Variants in KHDRBS2 observed in about 807,000 individuals in gnomAD.
The protein encoded by KHDRBS2 is KH domain-containing, RNA-binding, signal transduction-associated protein 2.
In KHDRBS2, 26 loss-of-function variants were observed where a neutral mutation model predicts 44.3. The ratio of observed to expected loss-of-function variants is 0.59; its 90% CI spans 0.43 to 0.81. KHDRBS2 has a LOEUF of 0.81. Among genes scored for constraint, KHDRBS2 ranks in the 40% least tolerant of loss-of-function variants. The pLI, the probability that KHDRBS2 is intolerant of heterozygous loss-of-function variation, is 0.00. For missense variants in KHDRBS2, 476 were observed against 433.1 expected (o/e 1.10, Z -0.88); for synonymous variants, 194 against 151.1 (o/e 1.28, Z -2.08).
At chr6:62,204,660 C>A (rs1827643242) in intron 1 of KHDRBS2, among the ~76,000 whole-genome samples, 1 of 152,076 alleles carries the variant, frequency 6.6e-6, no homozygotes, top group Admixed American at 6.6e-5. Context: ...TGTTTCTGTA[C>A]TTTTTAGGAG....
chr6:61,747,034 A>G (rs552737701), intron 6 of KHDRBS2, among the ~76,000 whole-genome samples: 3,737 of 124,630 alleles, frequency 0.03, 86 homozygotes, highest in Middle Eastern at 0.1. Flanking sequence ...ATGTAAAAGA[A>G]AAAAAAAGAA....
chr6:61,910,696 A>G (rs1161655754), intron 4 of KHDRBS2, among the ~76,000 whole-genome samples: 1 of 152,196 alleles, frequency 6.6e-6, no homozygotes, highest in Non-Finnish European at 1.5e-5. Flanking sequence ...ATGAGCAACA[A>G]AAAACTTACG....
intron 6 of KHDRBS2, among the ~76,000 whole-genome samples, chr6:61,776,186 C>A (rs1330862014): frequency 1.3e-5 from 2 of 152,062 alleles, no homozygotes; most frequent in East Asian, 3.9e-4. Context: ...ACCATAAAAA[C>A]CCTAGAAGAA....
intron 2 of KHDRBS2, among the ~76,000 whole-genome samples, chr6:62,137,176 T>C (rs575895079): frequency 1.3e-5 from 2 of 152,082 alleles, no homozygotes; most frequent in East Asian, 3.9e-4. Context: ...AATTTGTTTG[T>C]ATTTTTAGTA....
the KHDRBS2 span, among the ~76,000 whole-genome samples, chr6:61,559,122 A>G: frequency 6.6e-6 from 1 of 152,166 alleles, no homozygotes; most frequent in African/African-American, 2.4e-5. Context: ...ATATATTTAC[A>G]AGCATTATAT....
intron 4 of KHDRBS2, among the ~76,000 whole-genome samples, chr6:61,960,534 T>C (rs1225834572): frequency 6.6e-6 from 1 of 152,010 alleles, no homozygotes; most frequent in Non-Finnish European, 1.5e-5. Context: ...TCAGAAGCAA[T>C]AAACATATTG....
intron 2 of KHDRBS2, among the ~76,000 whole-genome samples, chr6:62,068,779 C>A (rs558038198): frequency 1.3e-5 from 2 of 151,532 alleles, no homozygotes; most frequent in East Asian, 3.9e-4. Context: ...ATGATCTTGG[C>A]ATTATTATAA....
intron 4 of KHDRBS2, among the ~76,000 whole-genome samples, chr6:61,911,701 T>A (rs981444220): frequency 2.0e-5 from 3 of 152,124 alleles, no homozygotes; most frequent in African/African-American, 7.2e-5. Flanking sequence ...GAAATTCTCC[T>A]ATATTTTTCC....
At chr6:61,949,302 G>T (rs1160236021) in intron 4 of KHDRBS2, among the ~76,000 whole-genome samples, 4 of 152,074 alleles carry the variant, frequency 2.6e-5, no homozygotes, top group Non-Finnish European at 5.9e-5. Context: ...AGATAGGGAG[G>T]TTTATTAGCC....
intron 1 of KHDRBS2, among the ~76,000 whole-genome samples, chr6:62,234,722 G>A (rs1289336873): frequency 6.6e-6 from 1 of 151,946 alleles, no homozygotes; most frequent in Non-Finnish European, 1.5e-5. Flanking sequence ...CTTGGGAAGT[G>A]AATGGTGACC....
chr6:61,689,213 C>T (rs1165094763), intron 8 of KHDRBS2, among the ~76,000 whole-genome samples: 1 of 151,916 alleles, frequency 6.6e-6, no homozygotes, highest in Admixed American at 6.6e-5. Flanking sequence ...GTTTGGGATC[C>T]TCTCAGACTG....
At chr6:62,098,852 A>G (rs986631165) in intron 2 of KHDRBS2, among the ~76,000 whole-genome samples, 4 of 151,884 alleles carry the variant, frequency 2.6e-5, no homozygotes, top group African/African-American at 9.7e-5. Flanking sequence ...TTTCCCCTCC[A>G]TGTATTTCAA....
chr6:62,072,441 A>T lies in KHDRBS2; in HGVS notation c.220-24447T>A, dbSNP rs577456036. ...GCCAGTTTTCAAAGGGAATGTTTCC[A>T]ATTTTTGCCCATTCATTATGATATT... On this transcript the variant is annotated intron_variant, in intron 2 of 8. Coordinates refer to ENST00000281156, the MANE Select transcript of KHDRBS2 (RefSeq NM_152688.4). Among the ~76,000 whole-genome samples, 78 of 152,230 alleles carry T rather than the reference A, an allele frequency of 5.1e-4. 1 individual carries two copies. In the East Asian group the frequency reaches 0.014, roughly 28 times the overall value.
At chr6:61,644,531 G>A in the KHDRBS2 span, among the ~76,000 whole-genome samples, 1 of 152,090 alleles carries the variant, frequency 6.6e-6, no homozygotes, top group African/African-American at 2.4e-5. Flanking sequence ...TACAGAATGG[G>A]AGAAAGTATT....
At chr6:61,764,088 G>T (rs1258090793) in intron 6 of KHDRBS2, among the ~76,000 whole-genome samples, 2 of 152,100 alleles carry the variant, frequency 1.3e-5, no homozygotes, top group African/African-American at 2.4e-5. Context: ...GTGTTTGGTG[G>T]TTTTCTGTTC....
At chr6:61,795,384 A>T in intron 6 of KHDRBS2, among the ~76,000 whole-genome samples, 1 of 152,056 alleles carries the variant, frequency 6.6e-6, no homozygotes, top group East Asian at 1.9e-4. Flanking sequence ...CACAAGATTA[A>T]ATCTCCTGCT....
At chr6:62,191,308 C>G (rs114691158) in intron 1 of KHDRBS2, among the ~76,000 whole-genome samples, 2 of 152,106 alleles carry the variant, frequency 1.3e-5, no homozygotes, top group African/African-American at 4.8e-5. Flanking sequence ...CTCATACATA[C>G]TCTGAGCAAA....
the KHDRBS2 span, among the ~76,000 whole-genome samples, chr6:61,583,881 T>A: frequency 6.8e-6 from 1 of 147,490 alleles, no homozygotes; most frequent in Admixed American, 6.8e-5. Context: ...TTAAGTGAAC[T>A]ATAAAATGTT....
the KHDRBS2 span, among the ~76,000 whole-genome samples, chr6:61,614,531 A>G: frequency 1.1e-4 from 17 of 152,292 alleles, no homozygotes; most frequent in Admixed American, 1.1e-3. Flanking sequence ...TCATCTGTTC[A>G]GTGATTTTCT....
Sources: gnomAD v4.1 joint callset for allele counts (sites outside exome capture counted in the v4.1 genomes callset) on GRCh38, gnomAD v4.1.1 for gene constraint, MANE v1.5 for transcripts, NCBI Gene and HGNC (gene_info 2026-07-23, HGNC 2026-07-21) for gene names.